The following AFF3 variants were observed in gnomAD, a reference collection of about 807,000 sequenced individuals.
The protein encoded by AFF3 is AF4/FMR2 family member 3.
In AFF3, 32 loss-of-function variants were observed where a neutral mutation model predicts 129.7. The ratio of observed to expected loss-of-function variants is 0.25; its 90% CI spans 0.19 to 0.33. The LOEUF (loss-of-function observed/expected upper bound fraction) is 0.33, where lower values mean the gene tolerates loss of function less well. Ranked by LOEUF, AFF3 falls within the 10% of genes least tolerant of loss-of-function variation. The probability of loss-of-function intolerance (pLI) is 1.00; values close to 1 mark genes in which losing one functional copy is unlikely to be tolerated. For missense variants in AFF3, 1,373 were observed against 1,592.0 expected (o/e 0.86, Z 2.34); for synonymous variants, 644 against 635.4 (o/e 1.01, Z -0.20).
At position 100,108,908 on chromosome 2, in the gene AFF3, C is replaced by CTTTTT. The variant is rs34769933; in HGVS notation, c.-144-3330_-144-3326dup. On this transcript the variant is annotated intron_variant, in intron 2 of 24. Transcript: ENST00000672756. ...GTTTCTGGGAATGTGCATTTCTTTCCTTTTTTTTTTTTTTTTTTTTTTTTT... is the reference window on the plus strand; with the variant it reads ...GTTTCTGGGAATGTGCATTTCTTTCCTTTTTTTTTTTTTTTTTTTTTTTTTTTTTT... Among the ~76,000 whole-genome samples, 31 of 88,092 alleles carry CTTTTT rather than the reference C, an allele frequency of 3.5e-4. 2 individuals are homozygous for CTTTTT. The highest frequency in any genetic ancestry group is 1.3e-3 in the African/African-American group (30 of 23,028). The allele number at this position is 88,092 out of a possible 152,430, so 57.8% of individuals were successfully genotyped here. A position where few individuals can be genotyped will look rare whatever the true frequency, so the allele number is the denominator to read the frequency against.
chr2:99,551,910 G>A (rs867428282), intron 24 of AFF3, among the ~76,000 whole-genome samples: 6 of 152,166 alleles, frequency 3.9e-5, no homozygotes, highest in East Asian at 1.9e-4. Context: ...ACTCCTGAAC[G>A]TGAACGTGGC....
At position 99,649,659 on chromosome 2, in the gene AFF3, G is replaced by C; in HGVS notation, c.1151C>G (p.Ala384Gly). 19 of 1,614,118 alleles carry C rather than the reference G, an allele frequency of 1.2e-5. No homozygotes were observed. The highest frequency in any genetic ancestry group is 1.5e-5 in the Non-Finnish European group (18 of 1,179,992). Residue 384 changes from alanine (A) to glycine (G), a missense_variant, in exon 13 of 25, where the codon GCT (alanine) becomes GGT (glycine). Transcript: ENST00000672756. ...GAGAGCGCGGAGAGCCGTTCTCTGA[G>C]CTGCCTGCTGGAAGAAAGAAAGGGC... ...SDEEENEQQA[A>G]QRTALRALSD...
At chr2:99,989,039 G>A (rs1680114537) in intron 7 of AFF3, among the ~76,000 whole-genome samples, 1 of 152,192 alleles carries the variant, frequency 6.6e-6, no homozygotes, top group South Asian at 2.1e-4. Flanking sequence ...ATGGAATGAT[G>A]GGAGCAAACC....
At chr2:99,781,788 G>A (rs1281150878) in intron 8 of AFF3, among the ~76,000 whole-genome samples, 3 of 152,086 alleles carry the variant, frequency 2.0e-5, no homozygotes, top group Admixed American at 6.5e-5. Flanking sequence ...ACCAAGAAGC[G>A]GATTAAGAAA....
chr2:99,715,521 G>T (rs1305276291), intron 11 of AFF3, among the ~76,000 whole-genome samples: 1 of 152,144 alleles, frequency 6.6e-6, no homozygotes, highest in Non-Finnish European at 1.5e-5. Context: ...ACAGTTATAA[G>T]ACTTATAATG....
chr2:99,730,655 C>T (rs1312910935), intron 10 of AFF3, among the ~76,000 whole-genome samples: 2 of 151,696 alleles, frequency 1.3e-5, no homozygotes, highest in Admixed American at 1.3e-4. Context: ...GCTGGGACTA[C>T]AGGTGCCTGC....
chr2:99,591,389 G>A (rs531115475), intron 15 of AFF3, among the ~76,000 whole-genome samples: 2 of 152,206 alleles, frequency 1.3e-5, no homozygotes, highest in South Asian at 4.2e-4. Context: ...ATTTTACCAT[G>A]TTGTCCAGGC....
intron 7 of AFF3, among the ~76,000 whole-genome samples, chr2:99,917,382 A>T (rs1695543176): frequency 6.6e-6 from 1 of 152,088 alleles, no homozygotes; most frequent in Non-Finnish European, 1.5e-5. Flanking sequence ...CCTGGCACTA[A>T]GGGAGATCGG....
At chr2:99,582,680 T>C in intron 17 of AFF3, 118 bp downstream of exon 17, 1 of 1,098,836 alleles carries the variant, frequency 9.1e-7, no homozygotes, top group Admixed American at 2.1e-5. Flanking sequence ...GCGGGAGGCA[T>C]TCAGGAATTC....
chr2:100,107,501 G>A, intron 2 of AFF3: 1 of 985,282 alleles, frequency 1.0e-6, no homozygotes, highest in Middle Eastern at 5.2e-4. Flanking sequence ...AAATGTTAGA[G>A]TGATGTTTTC....
intron 13 of AFF3, among the ~76,000 whole-genome samples, chr2:99,637,873 C>G (rs191824775): frequency 2.6e-5 from 4 of 152,260 alleles, no homozygotes; most frequent in Admixed American, 2.6e-4. Context: ...GCATTAGATA[C>G]ACAGTGTTAT....
intron 7 of AFF3, among the ~76,000 whole-genome samples, chr2:99,960,390 A>T (rs1044449162): frequency 2.7e-5 from 4 of 146,542 alleles, no homozygotes; most frequent in South Asian, 2.2e-4. Flanking sequence ...CTTAACTGTT[A>T]AAAAAAAAAA....
intron 7 of AFF3, among the ~76,000 whole-genome samples, chr2:99,889,786 G>A (rs1447810496): frequency 2.0e-5 from 3 of 152,124 alleles, no homozygotes; most frequent in Non-Finnish European, 4.4e-5. Flanking sequence ...AGCCTCCTGA[G>A]TAGCTGGGAT....
intron 7 of AFF3, among the ~76,000 whole-genome samples, chr2:99,879,808 T>C (rs1692571362): frequency 6.6e-6 from 1 of 152,220 alleles, no homozygotes; most frequent in Non-Finnish European, 1.5e-5. Flanking sequence ...TTTTATGTCC[T>C]TTTTGATTAC....
intron 7 of AFF3, among the ~76,000 whole-genome samples, chr2:99,982,994 C>T (rs17023345): frequency 0.015 from 2,278 of 152,288 alleles, 57 homozygotes; most frequent in African/African-American, 0.046. Context: ...CTCATTCATA[C>T]TTCAAGTACA....
chr2:99,618,954 C>T (rs1174929794), intron 13 of AFF3, among the ~76,000 whole-genome samples: 1 of 151,294 alleles, frequency 6.6e-6, no homozygotes, highest in Non-Finnish European at 1.5e-5. Context: ...GCTATGTTGG[C>T]CAGGGTTGTC....
chr2:99,615,527 C>G (rs1681334260), intron 13 of AFF3, among the ~76,000 whole-genome samples: 1 of 152,254 alleles, frequency 6.6e-6, no homozygotes. Flanking sequence ...TCTTCGACAA[C>G]TGGGATGGGA....
Position 99,652,647 on chromosome 2 carries a change from G to C in AFF3, c.1144-2981C>G, listed in dbSNP as rs140673884. On this transcript the variant is annotated intron_variant, in intron 12 of 24. Coordinates refer to ENST00000672756, the MANE Select transcript of AFF3 (RefSeq NM_001386135.1). ...TTGGAGAGTCCGACATTCTGGGACA[G>C]GTTTTGCCATTCATTTGCTATGGAC... is the stretch of plus-strand genomic sequence containing the variant. Among the ~76,000 whole-genome samples the C allele has an allele frequency of 1.8e-4, 27 of 152,270 alleles. No homozygotes were observed. In the East Asian group the frequency reaches 2.1e-3, roughly 12 times the overall value.
rs978799045 is a variant in AFF3 at position 99,713,309 on chromosome 2, G to A, written c.1091+13768C>T. Among the ~76,000 whole-genome samples, 9 of 141,608 alleles carry A rather than the reference G, an allele frequency of 6.4e-5. No homozygotes were observed. The East Asian group carries it at 8.2e-4, about 13-fold the overall frequency. The allele number at this position is 141,608 out of a possible 152,430, so 92.9% of individuals were successfully genotyped here. A position where few individuals can be genotyped will look rare whatever the true frequency, so the allele number is the denominator to read the frequency against. The stretch of plus-strand genomic sequence containing the variant: ...TTTTGAGACAGAGTCTCGCTCTGTC[G>A]CTAGGCTGCAGTGCAGTGGCACAAT... On this transcript the variant is annotated intron_variant, in intron 11 of 24. Coordinates refer to ENST00000672756, the MANE Select transcript of AFF3 (RefSeq NM_001386135.1).
Sources: gnomAD v4.1 joint callset for allele counts (sites outside exome capture counted in the v4.1 genomes callset) on GRCh38, gnomAD v4.1.1 for gene constraint, MANE v1.5 for transcripts, NCBI Gene and HGNC (gene_info 2026-07-23, HGNC 2026-07-21) for gene names.